Variants in TRDN observed in about 807,000 individuals in gnomAD.
TRDN encodes triadin in skeletal muscle.
In TRDN, 161 loss-of-function variants were observed where a neutral mutation model predicts 149.7. That is an observed-to-expected ratio of 1.08 (90% CI 0.95 to 1.23). The LOEUF (loss-of-function observed/expected upper bound fraction) is 1.23. TRDN is among the 50% of genes most tolerant of loss of function. The pLI is 0.00. For synonymous variants in TRDN, 294 were observed against 250.5 expected, an observed-to-expected ratio of 1.17 and a Z score of -1.64; for missense variants, 896 against 823.5, an observed-to-expected ratio of 1.09 and a Z score of -1.08.
At chr6:123,268,180 A>T (rs753082479) in intron 31 of TRDN, among the ~76,000 whole-genome samples, 2 of 151,990 alleles carry the variant, frequency 1.3e-5, no homozygotes, top group Non-Finnish European at 2.9e-5. Flanking sequence ...TGCCAGTTAG[A>T]AGCAATGCAC....
chr6:123,626,285 C>T (rs1015385471), intron 1 of TRDN, among the ~76,000 whole-genome samples: 7 of 152,022 alleles, frequency 4.6e-5, no homozygotes, highest in Admixed American at 1.3e-4. Context: ...AGTTCAAGAC[C>T]ACCTTGGCCA....
intron 2 of TRDN, among the ~76,000 whole-genome samples, chr6:123,554,129 C>T (rs1434972247): frequency 3.3e-5 from 5 of 152,040 alleles, no homozygotes; most frequent in Middle Eastern, 6.8e-3. Flanking sequence ...AATGTTTGCC[C>T]CTGACCTCCC....
At chr6:123,376,182 T>C (rs1781496388) in intron 18 of TRDN, among the ~76,000 whole-genome samples, 1 of 152,176 alleles carries the variant, frequency 6.6e-6, no homozygotes, top group Admixed American at 6.5e-5. Context: ...GCTACACCAA[T>C]AGTCATTCTG....
At chr6:123,440,420 AT>A (rs1774812656) in intron 10 of TRDN, among the ~76,000 whole-genome samples, 3 of 152,188 alleles carry the variant, frequency 2.0e-5, no homozygotes. Context: ...CATATTTAAA[AT>A]TCTGAATGAA....
chr6:123,547,453 T>C (rs1449124809), intron 3 of TRDN, 81 bp from the exon 4 acceptor site: 8 of 842,274 alleles, frequency 9.5e-6, no homozygotes, highest in Admixed American at 4.0e-5. Flanking sequence ...TCCCCTTTTG[T>C]TTATTTAAAA....
intron 7 of TRDN, among the ~76,000 whole-genome samples, chr6:123,508,320 G>T (rs1779020786): frequency 6.6e-6 from 1 of 152,140 alleles, no homozygotes; most frequent in South Asian, 2.1e-4. Context: ...TAATCACAGT[G>T]AATTGCACAC....
intron 12 of TRDN, among the ~76,000 whole-genome samples, chr6:123,408,635 G>A (rs887021746): frequency 2.7e-5 from 4 of 150,376 alleles, no homozygotes; most frequent in Non-Finnish European, 2.9e-5. Flanking sequence ...CAGAGATCGC[G>A]CCATTGCACT....
At chr6:123,375,113 G>C (rs1781460096) in intron 19 of TRDN, among the ~76,000 whole-genome samples, 1 of 152,126 alleles carries the variant, frequency 6.6e-6, no homozygotes, top group Admixed American at 6.6e-5. Context: ...AAATGCCACA[G>C]TATGTTATGG....
In TRDN at chr6:123,610,662, A is replaced by G. The variant is rs1222319819; in HGVS notation, c.22+26092T>C. Among the ~76,000 whole-genome samples the G allele has an allele frequency of 3.3e-5, 5 of 152,206 alleles. No homozygotes were observed. The South Asian group carries it at 1.0e-3, about 32-fold the overall frequency. On this transcript the variant is annotated intron_variant, in intron 1 of 40. Transcript: ENST00000334268. ...AGAGCCTATAATGTACCTTCATTTT[A>G]AACAGCGACAGTTGGACTATGAGTA...
chr6:123,441,762 T>TG (rs2114607163), intron 10 of TRDN, among the ~76,000 whole-genome samples: 1 of 152,350 alleles, frequency 6.6e-6, no homozygotes, highest in Non-Finnish European at 1.5e-5. Flanking sequence ...CTTTCTAAGA[T>TG]GCTGTTTCCA....
rs558402617 is a variant in TRDN, at chr6:123,364,366, T to C, written c.1321+1769A>G. Reference sequence around the variant, plus strand: ...TATAAAATCTAATTCCAGTCGGGCGTGGTGGCTCACGCCTGTAATTCCAAC... The same window carrying C: ...TATAAAATCTAATTCCAGTCGGGCGCGGTGGCTCACGCCTGTAATTCCAAC... On this transcript the variant is annotated intron_variant, in intron 20 of 40. Coordinates refer to ENST00000334268, the MANE Select transcript of TRDN (RefSeq NM_006073.4). 3.9e-5 allele frequency among the ~76,000 whole-genome samples: 6 copies of C among 152,174 alleles called. No individual in the cohort carries two copies. In the East Asian group the frequency reaches 1.2e-3, roughly 30 times the overall value.
chr6:123,570,959 C>T lies in TRDN; in HGVS notation c.196G>A (p.Val66Ile), dbSNP rs372169818. The T allele has an allele frequency of 5.1e-5, 83 of 1,613,846 alleles. 3 individuals carry two copies. In the South Asian group the frequency reaches 5.7e-4, roughly 11 times the overall value. Residue 66 changes from valine (V) to isoleucine (I), a missense_variant, in exon 2 of 41, where the codon GTT becomes ATT. Transcript: ENST00000334268. ...LIITWSAVAI[V>I]MFDLVDYKNF... ...TTGTAATCCACTAAATCAAACATAA[C>T]GATGGCAACAGCTGACCACGTGATT...
At chr6:123,510,174 C>A (rs1779108106) in intron 7 of TRDN, 1 of 151,900 alleles carries the variant, frequency 6.6e-6, no homozygotes, top group Non-Finnish European at 1.5e-5. Flanking sequence ...AAAGTAAATT[C>A]ATGTTATCTT....
chr6:123,529,832 A>G (rs1178695415), intron 5 of TRDN, among the ~76,000 whole-genome samples: 1 of 152,026 alleles, frequency 6.6e-6, no homozygotes, highest in Non-Finnish European at 1.5e-5. Context: ...AGAAGAATAT[A>G]TTTTTGAATG....
chr6:123,272,926 G>A (rs1192244471), intron 29 of TRDN, 38 bp downstream of exon 29: 1 of 1,396,016 alleles, frequency 7.2e-7, no homozygotes, highest in Middle Eastern at 1.8e-4. Context: ...AGAACATTGA[G>A]AGGTTATTTG....
intron 12 of TRDN, among the ~76,000 whole-genome samples, chr6:123,417,588 C>CT (rs953473835): frequency 1.3e-5 from 2 of 152,154 alleles, no homozygotes; most frequent in African/African-American, 4.8e-5. Context: ...AAAGAGGTTT[C>CT]TTTTTTCCTC....
chr6:123,522,224 G>A (rs374198297), intron 5 of TRDN, among the ~76,000 whole-genome samples: 3 of 151,998 alleles, frequency 2.0e-5, no homozygotes, highest in African/African-American at 4.8e-5. Context: ...GCCGCCTACC[G>A]GGCCATCCTA....
Position 123,259,634 on chromosome 6 carries a change from T to C in TRDN, c.1860A>G (p.Lys620=). Residue 620 remains lysine, a synonymous_variant, in exon 35 of 41, where the codon AAA becomes AAG. Coordinates refer to ENST00000334268, the MANE Select transcript of TRDN (RefSeq NM_006073.4). ...AAATGTCATTTTTACCTTTACTTTC[T>C]TTTTCAGATATTTCAGTTTTCTTCT... ...SGKKKTEISE[K]ESKEKADMKH... 2 of 1,477,648 alleles carry C rather than the reference T, an allele frequency of 1.4e-6. No individual in the cohort carries two copies. The highest frequency in any genetic ancestry group is 9.2e-7 in the Non-Finnish European group (1 of 1,091,930). 91.5% of individuals were successfully genotyped at this position (1,477,648 alleles called of 1,614,324 possible).
intron 10 of TRDN, among the ~76,000 whole-genome samples, chr6:123,455,236 C>T (rs1776039496): frequency 6.6e-6 from 1 of 152,058 alleles, no homozygotes; most frequent in Non-Finnish European, 1.5e-5. Flanking sequence ...GTTAATTAAA[C>T]TTAGCATTTA....
Sources: gnomAD v4.1 joint callset for allele counts (sites outside exome capture counted in the v4.1 genomes callset) on GRCh38, gnomAD v4.1.1 for gene constraint, MANE v1.5 for transcripts, NCBI Gene and HGNC (gene_info 2026-07-23, HGNC 2026-07-21) for gene names.